The following PKNOX2 variants were observed in gnomAD, a reference collection of about 807,000 sequenced individuals.
PKNOX2 encodes PBX/knotted 1 homeobox 2.
A neutral mutation model predicts 53.1 loss-of-function variants in PKNOX2; 14 were observed. That is an observed-to-expected ratio of 0.26 (90% CI 0.17 to 0.41). PKNOX2 has a LOEUF of 0.41. Among genes scored for constraint, PKNOX2 ranks in the 10% least tolerant of loss-of-function variants. The pLI is 1.00. For synonymous variants in PKNOX2, 257 were observed against 242.8 expected (o/e 1.06, Z -0.54); for missense variants, 496 against 602.8 (o/e 0.82, Z 1.85).
chr11:125,336,464 T>C (rs996410738), intron 3 of PKNOX2, among the ~76,000 whole-genome samples: 5 of 150,828 alleles, frequency 3.3e-5, no homozygotes, highest in African/African-American at 1.2e-4. Flanking sequence ...ATATTATCTA[T>C]TTTTAGTTCA....
chr11:125,232,011 A>G (rs1942246194), intron 1 of PKNOX2, among the ~76,000 whole-genome samples: 1 of 152,190 alleles, frequency 6.6e-6, no homozygotes, highest in African/African-American at 2.4e-5. Flanking sequence ...TTGGGAGTTC[A>G]CTACCTTCCA....
At chr11:125,277,908 T>C (rs1946283049) in intron 2 of PKNOX2, among the ~76,000 whole-genome samples, 1 of 152,162 alleles carries the variant, frequency 6.6e-6, no homozygotes, top group South Asian at 2.1e-4. Flanking sequence ...CTATTATGTA[T>C]CAGTGCAATT....
chr11:125,182,164 C>A (rs890323209), intron 1 of PKNOX2, among the ~76,000 whole-genome samples: 1 of 152,178 alleles, frequency 6.6e-6, no homozygotes, highest in Non-Finnish European at 1.5e-5. Context: ...TGTCTAACCA[C>A]CCCAGTTTGC....
intron 1 of PKNOX2, among the ~76,000 whole-genome samples, chr11:125,181,824 C>A (rs1956170922): frequency 1.3e-5 from 2 of 152,212 alleles, no homozygotes; most frequent in African/African-American, 4.8e-5. Flanking sequence ...TAACCCCATG[C>A]TATGGGGGTG....
At chr11:125,295,394 G>A (rs1272980073) in intron 2 of PKNOX2, among the ~76,000 whole-genome samples, 2 of 152,234 alleles carry the variant, frequency 1.3e-5, no homozygotes, top group Non-Finnish European at 2.9e-5. Context: ...CATTCATGTG[G>A]ATCAAATCCA....
In PKNOX2 at chr11:125,288,358, C is replaced by T. The variant is rs1482232129; in HGVS notation, c.-129-43461C>T. Among the ~76,000 whole-genome samples, 4 of 152,304 alleles carry T rather than the reference C, an allele frequency of 2.6e-5. No homozygotes were observed. In the East Asian group the frequency reaches 7.7e-4, roughly 29 times the overall value. On this transcript the variant is annotated intron_variant, in intron 2 of 12. Transcript: ENST00000298282. ...ACTTGGGAAGGGGTCCAGGCATTTT[C>T]TTTTAAAAGCCTCCCAGATGTTCTG... is the stretch of plus-strand genomic sequence containing the variant.
At chr11:125,374,135 G>A (rs1392732608) in intron 5 of PKNOX2, among the ~76,000 whole-genome samples, 1 of 152,150 alleles carries the variant, frequency 6.6e-6, no homozygotes, top group Non-Finnish European at 1.5e-5. Flanking sequence ...AGAGTGTTCT[G>A]GCTCCAGTGA....
In PKNOX2 at chr11:125,280,643, G is replaced by A. The variant is rs868244200; in HGVS notation, c.-130+45528G>A. Among the ~76,000 whole-genome samples, 6 of 152,174 alleles carry A rather than the reference G, an allele frequency of 3.9e-5. No individual in the cohort carries two copies. In the South Asian group the frequency reaches 1.2e-3, roughly 31 times the overall value. On this transcript the variant is annotated intron_variant, in intron 2 of 12. Coordinates refer to ENST00000298282, the MANE Select transcript of PKNOX2 (RefSeq NM_001382323.2). ...AGTGAAAGCAGGCAGCCTGGCGTGGGTTCCTTTGTGAGTGTCACAAGCAGG... is the reference window on the plus strand; with the variant it reads ...AGTGAAAGCAGGCAGCCTGGCGTGGATTCCTTTGTGAGTGTCACAAGCAGG...
intron 1 of PKNOX2, among the ~76,000 whole-genome samples, chr11:125,191,807 C>A (rs955231890): frequency 1.3e-5 from 2 of 152,166 alleles, no homozygotes; most frequent in East Asian, 3.8e-4. Context: ...TGAAAAGCGT[C>A]ACTGGTAATG....
Position 125,431,591 on chromosome 11 carries a change from C to T in PKNOX2, c.*199C>T. On this transcript the variant is annotated 3_prime_UTR_variant, in exon 13 of 13. Coordinates refer to ENST00000298282, the MANE Select transcript of PKNOX2 (RefSeq NM_001382323.2). ...CGAGCTTCAATGAGGACCCCAGCCC[C>T]ACTTCCCTGGAACTGCCGAGGACTC... The T allele has an allele frequency of 1.6e-6, 1 of 627,982 alleles. No homozygotes were observed. The allele number at this position is 627,982 out of a possible 1,614,324, so 38.9% of individuals were successfully genotyped here. A position where few individuals can be genotyped will look rare whatever the true frequency, so the allele number is the denominator to read the frequency against.
At chr11:125,176,392 A>G (rs1375358483) in intron 1 of PKNOX2, among the ~76,000 whole-genome samples, 5 of 152,168 alleles carry the variant, frequency 3.3e-5, no homozygotes. Flanking sequence ...AACTAGACAG[A>G]TGGGTTCCTG....
intron 2 of PKNOX2, among the ~76,000 whole-genome samples, chr11:125,237,810 G>A (rs1458063300): frequency 6.6e-6 from 1 of 152,162 alleles, no homozygotes; most frequent in East Asian, 1.9e-4. Context: ...GTCAGGTCTG[G>A]AGGAGTCCTA....
At chr11:125,204,391 G>C (rs1938821123) in intron 1 of PKNOX2, among the ~76,000 whole-genome samples, 1 of 152,228 alleles carries the variant, frequency 6.6e-6, no homozygotes, top group Non-Finnish European at 1.5e-5. Flanking sequence ...TGTTGAACAG[G>C]CTCCTGGTGA....
chr11:125,182,952 T>C (rs1015502550), intron 1 of PKNOX2, among the ~76,000 whole-genome samples: 7 of 152,172 alleles, frequency 4.6e-5, no homozygotes, highest in African/African-American at 1.7e-4. Context: ...ATAGGAAGGC[T>C]CATTACTGTT....
chr11:125,323,029 C>T (rs1949617265), intron 2 of PKNOX2, among the ~76,000 whole-genome samples: 1 of 152,188 alleles, frequency 6.6e-6, no homozygotes, highest in East Asian at 1.9e-4. Context: ...TGATGCAGAC[C>T]ATGGTGGAAG....
At chr11:125,410,039 G>A in intron 7 of PKNOX2, 157 bp from the exon 8 acceptor site, 1 of 973,692 alleles carries the variant, frequency 1.0e-6, no homozygotes, top group Non-Finnish European at 1.5e-6. Flanking sequence ...CCCTTTCTAG[G>A]AAACCAAGAG....
At chr11:125,183,203 T>TCTGACAGTAGCTTGCCTGCTTTGTGGA (rs1565463506) in intron 1 of PKNOX2, among the ~76,000 whole-genome samples, 8 of 46,460 alleles carry the variant, frequency 1.7e-4, no homozygotes, top group Non-Finnish European at 2.7e-4. Context: ...GAATCCTTTT[T>TCTGACAGTAGCTTGCCTGCTTTGTGGA]TTTTTTTTTT....
chr11:125,222,613 ATGTGTGTGTATG>A (rs1220807387), intron 1 of PKNOX2, among the ~76,000 whole-genome samples: 52 of 99,404 alleles, frequency 5.2e-4, no homozygotes, highest in Non-Finnish European at 8.0e-4. Flanking sequence ...GTCTGTGTGT[ATGTGTGTGTATG>A]TGTGTGTGTA....
chr11:125,202,243 G>A (rs1938535631), intron 1 of PKNOX2, among the ~76,000 whole-genome samples: 1 of 152,180 alleles, frequency 6.6e-6, no homozygotes. Flanking sequence ...GACATGCTGA[G>A]GGCCAGGGGC....
Sources: gnomAD v4.1 joint callset for allele counts (sites outside exome capture counted in the v4.1 genomes callset) on GRCh38, gnomAD v4.1.1 for gene constraint, MANE v1.5 for transcripts, NCBI Gene and HGNC (gene_info 2026-07-23, HGNC 2026-07-21) for gene names.